The following COL6A5 variants were observed in gnomAD, a reference collection of about 807,000 sequenced individuals.
The protein encoded by COL6A5 is collagen alpha-5(VI) chain.
COL6A5 carries 48 observed loss-of-function variants against 65.6 expected under a neutral mutation model. That is an observed-to-expected ratio of 0.73 (90% CI 0.58 to 0.93). COL6A5 has a LOEUF of 0.93. Ranked by LOEUF, COL6A5 falls within the 40% of genes least tolerant of loss-of-function variation. COL6A5 has a pLI of 0.00. For missense variants in COL6A5, 914 were observed against 928.3 expected (o/e 0.98, Z 0.20); for synonymous variants, 291 against 322.8 (o/e 0.90, Z 1.05).
rs1936671089 is a variant in COL6A5 at position 130,398,012 on chromosome 3, A to AT, written c.3910-14dup. ...ATATATTTAGCTTTTACACCATACC[A>AT]TTTTCTTATTTCTCCAGGTGCTGCT... On this transcript the variant is annotated splice_polypyrimidine_tract_variant and intron_variant and NMD_transcript_variant, in intron 9 of 41. Transcript: ENST00000312481. 1 of 1,546,610 alleles carries AT rather than the reference A, an allele frequency of 6.5e-7. No homozygotes were observed. The highest frequency in any genetic ancestry group is 1.4e-5 in the African/African-American group (1 of 72,076).
At chr3:130,419,034 G>C (rs1937447998) in intron 25 of COL6A5, 103 bp downstream of exon 25, 8 of 851,424 alleles carry the variant, frequency 9.4e-6, no homozygotes, top group African/African-American at 1.7e-5. Flanking sequence ...GGGCATGAAA[G>C]GTATTTCAGC....
At chr3:130,414,313 A>T (rs1937276106) in intron 22 of COL6A5, among the ~76,000 whole-genome samples, 182 bp downstream of exon 22, 1 of 152,098 alleles carries the variant, frequency 6.6e-6, no homozygotes, top group Non-Finnish European at 1.5e-5. Context: ...TTCGTAGGTC[A>T]CTAATAAGCC....
At chr3:130,409,109 A>G (rs78763082) in intron 17 of COL6A5, among the ~76,000 whole-genome samples, 4,808 of 152,236 alleles carry the variant, frequency 0.032, 97 homozygotes, top group South Asian at 0.065. Context: ...ATGTTAGACC[A>G]CGAGAAGTTT....
At chr3:130,379,814 A>T in exon 4 of COL6A5, 1 of 1,551,386 alleles carries the variant, frequency 6.4e-7, no homozygotes. Context: ...GATGAGGTGC[A>T]TGATGCTGCG....
chr3:130,394,816 AT>A, intron 7 of COL6A5, 73 bp from the exon 8 acceptor site: 1 of 1,075,722 alleles, frequency 9.3e-7, no homozygotes, highest in Non-Finnish European at 1.3e-6. Flanking sequence ...TAGTAAAGCA[AT>A]TTAAGTATAT....
chr3:130,369,679 A>G (rs1935478397), intron 1 of COL6A5, among the ~76,000 whole-genome samples: 3 of 152,196 alleles, frequency 2.0e-5, no homozygotes. Flanking sequence ...AAAAGAAGGG[A>G]CATGATTATT....
chr3:130,425,681 A>G (rs6774465), intron 29 of COL6A5, among the ~76,000 whole-genome samples: 108,334 of 152,038 alleles, frequency 0.71, 39,019 homozygotes, highest in Non-Finnish European at 0.75. Flanking sequence ...ATTTAGTTAC[A>G]CTTCTGTAAC....
intron 18 of COL6A5, among the ~76,000 whole-genome samples, chr3:130,409,723 CT>C (rs1937112548): frequency 6.6e-6 from 1 of 152,132 alleles, no homozygotes; most frequent in African/African-American, 2.4e-5. Context: ...AGGGAATAGC[CT>C]AAGAATATTT....
intron 12 of COL6A5, among the ~76,000 whole-genome samples, chr3:130,402,594 G>GT (rs1464480502): frequency 1.3e-5 from 2 of 152,110 alleles, no homozygotes; most frequent in African/African-American, 4.8e-5. Context: ...TAACGGTGAA[G>GT]TATTTTTAAA....
chr3:130,424,290 TC>T (rs1937565267), intron 29 of COL6A5, among the ~76,000 whole-genome samples: 1 of 152,096 alleles, frequency 6.6e-6, no homozygotes. Context: ...ATTGTTGCCT[TC>T]CTATCCTCAA....
chr3:130,371,630 G>C (rs566543276), intron 1 of COL6A5, among the ~76,000 whole-genome samples: 2 of 151,538 alleles, frequency 1.3e-5, no homozygotes, highest in African/African-American at 4.9e-5. Flanking sequence ...ATCCACATAC[G>C]AAAGAGTGAA....
At chr3:130,456,954 CATT>C (rs1346932935) in intron 5 of COL6A5, among the ~76,000 whole-genome samples, 1 of 151,884 alleles carries the variant, frequency 6.6e-6, no homozygotes, top group African/African-American at 2.4e-5. Flanking sequence ...AAAAGACAAT[CATT>C]AGTTGAAAAA....
At chr3:130,374,717 G>A (rs1481872664) in intron 2 of COL6A5, among the ~76,000 whole-genome samples, 2 of 152,128 alleles carry the variant, frequency 1.3e-5, no homozygotes, top group African/African-American at 4.8e-5. Context: ...GCCTTCCAAA[G>A]TGCTGGGATT....
At chr3:130,415,570 G>T in intron 22 of COL6A5, 75 bp from the exon 23 acceptor site, 2 of 1,329,198 alleles carry the variant, frequency 1.5e-6, no homozygotes, top group South Asian at 2.7e-5. Flanking sequence ...TTTCTGCAGG[G>T]TGTTTCAAAA....
intron 1 of COL6A5, among the ~76,000 whole-genome samples, chr3:130,364,320 A>C (rs1045310147): frequency 6.6e-6 from 1 of 152,232 alleles, no homozygotes; most frequent in Non-Finnish European, 1.5e-5. Context: ...CCATTTCTGC[A>C]TTTCCCCCTA....
chr3:130,448,008 A>G lies in COL6A5; in HGVS notation c.1332+4442A>G, dbSNP rs140885815. ...ATCAGCCAAGTGAATTTGCCACAGT[A>G]CGGAATGTTGAAAGGCAGCTTGAAC... On this transcript the variant is annotated intron_variant, in intron 4 of 7. Transcript: ENST00000512836. Among the ~76,000 whole-genome samples the G allele has an allele frequency of 5.9e-5, 9 of 152,296 alleles. No individual in the cohort carries two copies. The East Asian group carries it at 1.2e-3, about 20-fold the overall frequency.
exon 5 of COL6A5, chr3:130,455,630 G>T (rs1158966688): frequency 6.2e-7 from 1 of 1,612,898 alleles, no homozygotes; most frequent in Non-Finnish European, 8.5e-7. Context: ...TTATGAAAAA[G>T]ATCAAAAATC....
intron 7 of COL6A5, among the ~76,000 whole-genome samples, chr3:130,481,336 G>C (rs1179271967): frequency 6.6e-6 from 1 of 151,838 alleles, no homozygotes; most frequent in Non-Finnish European, 1.5e-5. Flanking sequence ...TGAGAATGAT[G>C]GTTTCCAGCT....
chr3:130,483,656 C>T (rs1022250583), intron 7 of COL6A5, among the ~76,000 whole-genome samples: 44 of 152,154 alleles, frequency 2.9e-4, no homozygotes, highest in African/African-American at 1.0e-3. Flanking sequence ...AGACAGAAAA[C>T]GAAAGAATAT....
Sources: allele counts gnomAD v4.1 joint callset (sites outside exome capture counted in the v4.1 genomes callset), GRCh38; gene constraint gnomAD v4.1.1; transcripts MANE v1.5; gene names NCBI Gene and HGNC (gene_info 2026-07-23, HGNC 2026-07-21).